LPP: variants seen among roughly 807,000 people sequenced by gnomAD.
LPP encodes the protein LIM domain containing preferred translocation partner in lipoma.
LPP carries 38 observed loss-of-function variants against 60.4 expected under a neutral mutation model. The ratio of observed to expected loss-of-function variants is 0.63; its 90% CI spans 0.49 to 0.83. LPP has a LOEUF of 0.83. Ranked by LOEUF, LPP falls within the 40% of genes least tolerant of loss-of-function variation. The probability of loss-of-function intolerance (pLI) is 0.00; values close to 1 mark genes in which losing one functional copy is unlikely to be tolerated. For synonymous variants in LPP, 328 were observed against 290.8 expected (o/e 1.13, Z -1.30); for missense variants, 902 against 783.6 (o/e 1.15, Z -1.80).
intron 2 of LPP, among the ~76,000 whole-genome samples, chr3:188,241,041 G>A (rs901066076): frequency 6.6e-6 from 1 of 152,210 alleles, no homozygotes; most frequent in African/African-American, 2.4e-5. Flanking sequence ...GAGGTAGCAA[G>A]ACAGTGAGAA....
intron 8 of LPP, among the ~76,000 whole-genome samples, chr3:188,732,090 G>A (rs915163330): frequency 6.6e-6 from 1 of 152,138 alleles, no homozygotes; most frequent in African/African-American, 2.4e-5. Context: ...AGAATAGTTA[G>A]GTCAGAAGTT....
intron 9 of LPP, among the ~76,000 whole-genome samples, chr3:188,836,717 T>C (rs1758546221): frequency 6.6e-6 from 1 of 152,252 alleles, no homozygotes; most frequent in African/African-American, 2.4e-5. Context: ...TTTTGTGTTC[T>C]TTGCAGTAGA....
chr3:188,174,463 C>T (rs1014311357), intron 1 of LPP, among the ~76,000 whole-genome samples: 3 of 152,190 alleles, frequency 2.0e-5, no homozygotes, highest in Non-Finnish European at 4.4e-5. Flanking sequence ...GAGGAACGCA[C>T]GCATGAGGCA....
intron 9 of LPP, among the ~76,000 whole-genome samples, chr3:188,865,594 T>G (rs180744886): frequency 6.6e-6 from 1 of 152,278 alleles, no homozygotes; most frequent in African/African-American, 2.4e-5. Context: ...TTAGAAGTAA[T>G]AGTGAAGCAT....
intron 1 of LPP, among the ~76,000 whole-genome samples, chr3:188,192,932 T>C (rs1378638951): frequency 6.6e-6 from 1 of 152,204 alleles, no homozygotes; most frequent in African/African-American, 2.4e-5. Flanking sequence ...AGCAAGACCA[T>C]TCTCAGGGAG....
At chr3:188,865,655 C>A (rs1766384514) in intron 9 of LPP, among the ~76,000 whole-genome samples, 1 of 150,338 alleles carries the variant, frequency 6.7e-6, no homozygotes, top group African/African-American at 2.5e-5. Flanking sequence ...ACAAACTATG[C>A]CCATGGGTCA....
intron 8 of LPP, chr3:188,710,785 C>CATT (rs1866474931): frequency 6.6e-6 from 1 of 152,000 alleles, no homozygotes; most frequent in Non-Finnish European, 1.5e-5. Flanking sequence ...AACATAGATG[C>CATT]TAATTGCATG....
intron 8 of LPP, among the ~76,000 whole-genome samples, chr3:188,753,910 G>C (rs547845495): frequency 4.6e-5 from 7 of 152,194 alleles, no homozygotes; most frequent in South Asian, 2.1e-4. Context: ...ATATACACAA[G>C]CACAGTGACA....
chr3:188,658,836 G>A (rs1853940453), intron 7 of LPP, among the ~76,000 whole-genome samples: 1 of 152,170 alleles, frequency 6.6e-6, no homozygotes, highest in East Asian at 1.9e-4. Context: ...TTACTGACCT[G>A]CTGACCTGCT....
intron 7 of LPP, among the ~76,000 whole-genome samples, chr3:188,658,661 G>A (rs1053757452): frequency 4.6e-5 from 7 of 152,120 alleles, no homozygotes; most frequent in African/African-American, 1.2e-4. Context: ...CAAAAGACAC[G>A]GATATGCCAT....
chr3:188,687,877 C>A (rs1478499234), intron 7 of LPP, among the ~76,000 whole-genome samples: 2 of 151,638 alleles, frequency 1.3e-5, no homozygotes, highest in Non-Finnish European at 2.9e-5. Context: ...CGGGTTCATG[C>A]CATTCTCCTG....
chr3:188,505,853 A>G (rs1173990964), intron 5 of LPP, among the ~76,000 whole-genome samples: 3 of 152,188 alleles, frequency 2.0e-5, no homozygotes, highest in African/African-American at 7.2e-5. Context: ...GGTTTAAAAA[A>G]TATTATTTTC....
intron 2 of LPP, among the ~76,000 whole-genome samples, chr3:188,290,610 G>C (rs977386354): frequency 6.6e-6 from 1 of 151,748 alleles, no homozygotes; most frequent in African/African-American, 2.4e-5. Flanking sequence ...TTCACTCCAA[G>C]AGCATCAGCA....
chr3:188,242,635 TCTC>T (rs1725386938), intron 2 of LPP, among the ~76,000 whole-genome samples: 1 of 152,116 alleles, frequency 6.6e-6, no homozygotes, highest in African/African-American at 2.4e-5. Context: ...TGAAATCACT[TCTC>T]CTTTCTGGGT....
intron 1 of LPP, among the ~76,000 whole-genome samples, chr3:188,181,900 T>G (rs1725126824): frequency 6.6e-6 from 1 of 152,134 alleles, no homozygotes; most frequent in South Asian, 2.1e-4. Flanking sequence ...GTACATACTG[T>G]TTTGTAATTG....
At chr3:188,284,781 G>A (rs915853440) in intron 2 of LPP, among the ~76,000 whole-genome samples, 4 of 152,180 alleles carry the variant, frequency 2.6e-5, no homozygotes, top group Non-Finnish European at 5.9e-5. Context: ...CGGGCAGGGG[G>A]AGCATGTAGG....
rs137860585 is a variant in LPP, at chr3:188,598,742, T to G, written c.430-10419T>G. On this transcript the variant is annotated intron_variant, in intron 6 of 11. Coordinates refer to ENST00000617246, the MANE Select transcript of LPP (RefSeq NM_001375462.1). ...ATTTTCTCAACCATCCTCTGATTTT[T>G]CCTTTAATATAAACAAGTAAAATCA... 1.3e-3 allele frequency among the ~76,000 whole-genome samples: 194 copies of G among 152,290 alleles called. 10 individuals are homozygous for G. In the East Asian group the frequency reaches 0.033, roughly 26 times the overall value.
chr3:188,725,739 A>G lies in LPP; in HGVS notation c.1240+17346A>G, dbSNP rs545888810. ...AATATAGACAGAAGTGCTTACAAATAGCTCAATTCCAATATGATACATTGC... is the reference window on the plus strand; with the variant it reads ...AATATAGACAGAAGTGCTTACAAATGGCTCAATTCCAATATGATACATTGC... On this transcript the variant is annotated intron_variant, in intron 8 of 11. Transcript: ENST00000617246. Among the ~76,000 whole-genome samples, 5 of 152,332 alleles carry G rather than the reference A, an allele frequency of 3.3e-5. No homozygotes were observed. In the South Asian group the frequency reaches 1.0e-3, roughly 32 times the overall value.
At chr3:188,512,558 T>TATATATAA (rs1816050472) in intron 5 of LPP, among the ~76,000 whole-genome samples, 1 of 140,656 alleles carries the variant, frequency 7.1e-6, no homozygotes, top group South Asian at 2.3e-4. Flanking sequence ...AAACCCGGTC[T>TATATATAA]ATAAATAAAT....
Sources: gnomAD v4.1 joint callset for allele counts (sites outside exome capture counted in the v4.1 genomes callset) on GRCh38, gnomAD v4.1.1 for gene constraint, MANE v1.5 for transcripts, NCBI Gene and HGNC (gene_info 2026-07-23, HGNC 2026-07-21) for gene names.